The following KCTD8 variants were observed in gnomAD, a reference collection of about 807,000 sequenced individuals.
The protein encoded by KCTD8 is potassium channel tetramerization domain containing 8, also known as BTB/POZ domain-containing protein KCTD8.
KCTD8 carries 27 observed loss-of-function variants against 31.5 expected under a neutral mutation model. The ratio of observed to expected loss-of-function variants is 0.86; its 90% confidence interval spans 0.63 to 1.18. KCTD8 has a LOEUF of 1.18. Among genes scored for constraint, KCTD8 ranks in the 50% most tolerant of loss-of-function variants. The pLI, the probability that KCTD8 is intolerant of heterozygous loss-of-function variation, is 0.00. For missense variants in KCTD8, 658 were observed against 647.7 expected (o/e 1.02, Z -0.17); for synonymous variants, 290 against 280.0 (o/e 1.04, Z -0.36).
chr4:44,301,374 A>G (rs1480436681), intron 1 of KCTD8, among the ~76,000 whole-genome samples: 2 of 152,078 alleles, frequency 1.3e-5, no homozygotes, highest in African/African-American at 4.8e-5. Flanking sequence ...CCTCTCCAGC[A>G]CCTGTTGTTT....
chr4:44,206,556 G>C, intron 1 of KCTD8, among the ~76,000 whole-genome samples: 1 of 152,142 alleles, frequency 6.6e-6, no homozygotes, highest in East Asian at 1.9e-4. Context: ...GTGACCCAAG[G>C]GCTGCGTAAA....
Position 44,225,815 on chromosome 4 carries a change from CTTTTTTTT to C in KCTD8, c.962-50573_962-50566del, listed in dbSNP as rs35751540. Among the ~76,000 whole-genome samples, 68 of 74,452 alleles carry C rather than the reference CTTTTTTTT, an allele frequency of 9.1e-4. 2 individuals carry two copies. In the East Asian group the frequency reaches 0.024, roughly 27 times the overall value. The allele number at this position is 74,452 out of a possible 152,430, so 48.8% of individuals were successfully genotyped here. ...TCAACCCGTCACCTAGGTTTTGTCT[CTTTTTTTT>C]TTTTTTTTTTTTTTCGAGATGGAGT... is the stretch of plus-strand genomic sequence containing the variant. On this transcript the variant is annotated intron_variant, in intron 1 of 1. Coordinates refer to ENST00000360029, the MANE Select transcript of KCTD8 (RefSeq NM_198353.3).
At chr4:44,383,222 T>C (rs921005737) in intron 1 of KCTD8, among the ~76,000 whole-genome samples, 1 of 152,026 alleles carries the variant, frequency 6.6e-6, no homozygotes, top group Non-Finnish European at 1.5e-5. Context: ...AGAATTAACA[T>C]TGTTAAAATG....
Position 44,175,095 on chromosome 4 carries a change from G to T in KCTD8, c.1117C>A (p.Pro373Thr), listed in dbSNP as rs1243506439. 6 of 1,613,950 alleles carry T rather than the reference G, an allele frequency of 3.7e-6. No homozygotes were observed. Among genetic ancestry groups the T allele is most frequent in the Non-Finnish European group, 5.1e-6 (6 of 1,179,984 alleles). Residue 373 changes from proline (P) to threonine (T), a missense_variant, in exon 2 of 2, where the codon CCA (proline) becomes ACA (threonine). Pro to Thr is a conservative substitution (Grantham distance 38, BLOSUM62 -1). Transcript: ENST00000360029. ...GCTGTTGCCTGCTGGGCACTGGATG[G>T]GTTGTCCTGGGGAGTGCTTGCCTCT... ...HSEASTPQDN[P>T]SSAQQATAHQ...
At chr4:44,345,292 G>T (rs1022401811) in intron 1 of KCTD8, among the ~76,000 whole-genome samples, 1 of 151,958 alleles carries the variant, frequency 6.6e-6, no homozygotes, top group African/African-American at 2.4e-5. Flanking sequence ...AATGTAAAAA[G>T]AATGAATATC....
chr4:44,188,768 A>C (rs1280523527), intron 1 of KCTD8, among the ~76,000 whole-genome samples: 1 of 152,202 alleles, frequency 6.6e-6, no homozygotes, highest in East Asian at 1.9e-4. Context: ...CAGAGGTTGG[A>C]GTGATGCAGC....
intron 1 of KCTD8, among the ~76,000 whole-genome samples, chr4:44,229,024 TTGAC>T (rs1237086459): frequency 6.6e-6 from 1 of 152,206 alleles, no homozygotes; most frequent in Non-Finnish European, 1.5e-5. Flanking sequence ...CTTCATAACT[TTGAC>T]TGAGGGCAAG....
intron 1 of KCTD8, among the ~76,000 whole-genome samples, chr4:44,340,423 C>T (rs1001341374): frequency 1.3e-5 from 2 of 151,436 alleles, no homozygotes; most frequent in East Asian, 1.9e-4. Flanking sequence ...CTCAGTCTCC[C>T]GAGTAGCTGG....
At chr4:44,383,867 C>A (rs1220162353) in intron 1 of KCTD8, among the ~76,000 whole-genome samples, 1 of 151,910 alleles carries the variant, frequency 6.6e-6, no homozygotes, top group Non-Finnish European at 1.5e-5. Context: ...AGGAAACAAC[C>A]AACAGAGTGA....
intron 1 of KCTD8, among the ~76,000 whole-genome samples, chr4:44,390,293 A>C (rs1182588900): frequency 6.6e-6 from 1 of 152,042 alleles, no homozygotes; most frequent in Non-Finnish European, 1.5e-5. Flanking sequence ...ACCTTCACCC[A>C]TCTTGAGTTG....
At chr4:44,273,612 T>G (rs1461904606) in intron 1 of KCTD8, among the ~76,000 whole-genome samples, 1 of 151,948 alleles carries the variant, frequency 6.6e-6, no homozygotes, top group Non-Finnish European at 1.5e-5. Context: ...CTAAATTAAA[T>G]TGCCAGAATA....
At chr4:44,184,045 T>C (rs1713507317) in intron 1 of KCTD8, among the ~76,000 whole-genome samples, 1 of 152,154 alleles carries the variant, frequency 6.6e-6, no homozygotes, top group Non-Finnish European at 1.5e-5. Context: ...GGCATAGTGT[T>C]AGCTACAAGG....
At chr4:44,443,655 G>T (rs776962497) in intron 1 of KCTD8, among the ~76,000 whole-genome samples, 26 of 152,118 alleles carry the variant, frequency 1.7e-4, no homozygotes, top group Non-Finnish European at 3.8e-4. Context: ...CTAGAGAAAG[G>T]TGTACATTCA....
At chr4:44,310,244 G>A (rs892428259) in intron 1 of KCTD8, among the ~76,000 whole-genome samples, 2 of 152,018 alleles carry the variant, frequency 1.3e-5, no homozygotes, top group Non-Finnish European at 2.9e-5. Flanking sequence ...TAGCATAAAT[G>A]CTGCTTGTAC....
intron 1 of KCTD8, among the ~76,000 whole-genome samples, chr4:44,198,564 C>A (rs1463624877): frequency 6.6e-6 from 1 of 152,108 alleles, no homozygotes; most frequent in African/African-American, 2.4e-5. Context: ...AGCTAAGCTT[C>A]ATAAGAGAAG....
intron 1 of KCTD8, among the ~76,000 whole-genome samples, chr4:44,245,532 A>C (rs1186815589): frequency 6.6e-6 from 1 of 151,442 alleles, no homozygotes; most frequent in East Asian, 1.9e-4. Flanking sequence ...TGGTGTATAA[A>C]TTTTTTCTTT....
intron 1 of KCTD8, among the ~76,000 whole-genome samples, chr4:44,445,905 T>C (rs375508066): frequency 3.3e-5 from 5 of 152,208 alleles, no homozygotes; most frequent in African/African-American, 1.2e-4. Flanking sequence ...AATTACTCAA[T>C]ATATATTTAA....
intron 1 of KCTD8, among the ~76,000 whole-genome samples, chr4:44,420,252 A>G (rs907772588): frequency 6.6e-6 from 1 of 152,204 alleles, no homozygotes; most frequent in African/African-American, 2.4e-5. Flanking sequence ...TATGGACAAA[A>G]GAAGGTTGAC....
chr4:44,315,736 T>C (rs1177956269), intron 1 of KCTD8, among the ~76,000 whole-genome samples: 1 of 152,150 alleles, frequency 6.6e-6, no homozygotes, highest in Non-Finnish European at 1.5e-5. Flanking sequence ...GTTGTAGAAC[T>C]CTAGGTTTAA....
Sources: allele counts gnomAD v4.1 joint callset (sites outside exome capture counted in the v4.1 genomes callset), GRCh38; gene constraint gnomAD v4.1.1; transcripts MANE v1.5; gene names NCBI Gene and HGNC (gene_info 2026-07-23, HGNC 2026-07-21).